The following MGAT4C variants were observed in gnomAD, a reference collection of about 807,000 sequenced individuals.
MGAT4C encodes the protein MGAT4 family member C, also known as alpha-1,3-mannosyl-glycoprotein 4-beta-N-acetylglucosaminyltransferase C.
Under a neutral mutation model 40.1 loss-of-function variants are expected in MGAT4C, and 19 were observed. The ratio of observed to expected loss-of-function variants is 0.47; its 90% CI spans 0.33 to 0.70. The LOEUF is 0.70. Among genes scored for constraint, MGAT4C ranks in the 30% least tolerant of loss-of-function variants. The pLI is 0.02. For synonymous variants in MGAT4C, 181 were observed against 187.1 expected (o/e 0.97, Z 0.27); for missense variants, 491 against 563.2 (o/e 0.87, Z 1.30).
intron 3 of MGAT4C, among the ~76,000 whole-genome samples, chr12:86,405,963 T>TACA (rs374129772): frequency 9.9e-6 from 1 of 100,986 alleles, no homozygotes; most frequent in Non-Finnish European, 1.9e-5. Context: ...TGTATTTATA[T>TACA]TATACATATA....
intron 1 of MGAT4C, among the ~76,000 whole-genome samples, chr12:86,807,358 T>C (rs560599267): frequency 2.6e-5 from 4 of 152,218 alleles, no homozygotes; most frequent in Admixed American, 6.5e-5. Flanking sequence ...CTCCCACTTA[T>C]AAGTGAGAAC....
intron 2 of MGAT4C, among the ~76,000 whole-genome samples, chr12:86,582,513 G>A (rs987076151): frequency 6.6e-6 from 1 of 151,274 alleles, no homozygotes; most frequent in Admixed American, 6.6e-5. Flanking sequence ...AATGCAAATG[G>A]GTAACAGTTG....
intron 1 of MGAT4C, among the ~76,000 whole-genome samples, chr12:86,101,771 C>A (rs954802487): frequency 1.3e-5 from 2 of 151,846 alleles, no homozygotes; most frequent in South Asian, 2.1e-4. Context: ...AATTAATGCA[C>A]CCCTGCTACT....
intron 2 of MGAT4C, among the ~76,000 whole-genome samples, chr12:86,660,153 C>A (rs1963946611): frequency 6.6e-6 from 1 of 152,112 alleles, no homozygotes; most frequent in Admixed American, 6.6e-5. Flanking sequence ...GGACAAGAGA[C>A]CTTGATGATC....
At chr12:86,328,771 T>C (rs567265685) in intron 4 of MGAT4C, among the ~76,000 whole-genome samples, 1 of 152,240 alleles carries the variant, frequency 6.6e-6, no homozygotes, top group African/African-American at 2.4e-5. Context: ...TTAATCAAAA[T>C]GTTACAAGAA....
chr12:86,785,799 TATAAC>T lies in MGAT4C; in HGVS notation c.-262+52862_-262+52866del, dbSNP rs200855270. On this transcript the variant is annotated intron_variant, in intron 1 of 7. Transcript: ENST00000548651. The stretch of plus-strand genomic sequence containing the variant: ...ATATGTATAATATAATGTAATATAA[TATAAC>T]ATAATAATCTTTGGAAAAAAGCTCA... Among the ~76,000 whole-genome samples the T allele has an allele frequency of 9.4e-3, 1,427 of 151,520 alleles. 11 individuals carry two copies. Among genetic ancestry groups the T allele is most frequent in the Middle Eastern group, 0.017 (5 of 290 alleles).
chr12:86,642,145 G>A (rs1006714266), intron 2 of MGAT4C, among the ~76,000 whole-genome samples: 3 of 151,740 alleles, frequency 2.0e-5, no homozygotes, highest in African/African-American at 7.3e-5. Context: ...AGATAAGAAG[G>A]AATTAATGCT....
At chr12:86,336,053 C>T (rs998334451) in intron 3 of MGAT4C, among the ~76,000 whole-genome samples, 2 of 152,130 alleles carry the variant, frequency 1.3e-5, no homozygotes, top group Non-Finnish European at 2.9e-5. Flanking sequence ...CAACCACTTT[C>T]CAATGCCTGT....
At chr12:86,688,980 A>G (rs762502595) in intron 2 of MGAT4C, among the ~76,000 whole-genome samples, 4 of 152,180 alleles carry the variant, frequency 2.6e-5, no homozygotes, top group Non-Finnish European at 4.4e-5. Context: ...TTTCAGGTAC[A>G]CCAATCAAAC....
intron 2 of MGAT4C, among the ~76,000 whole-genome samples, chr12:86,008,169 G>A (rs1186437776): frequency 6.6e-6 from 1 of 151,896 alleles, no homozygotes; most frequent in Non-Finnish European, 1.5e-5. Flanking sequence ...AAAATTTGTT[G>A]AGTCTGTAAA....
rs111370466 is a variant in MGAT4C, at chr12:85,967,688, T to G, written c.*11601A>C. On this transcript the variant is annotated 3_prime_UTR_variant, in exon 5 of 5. Coordinates refer to ENST00000611864, the MANE Select transcript of MGAT4C (RefSeq NM_001351288.2). ...ATGTATTCATTGATCTCATAAAGAA[T>G]AGATGATCAGATTTTTTAAAAGTGA... is the stretch of plus-strand genomic sequence containing the variant. The G allele has an allele frequency of 3.0e-4, 46 of 152,190 alleles. No individual in the cohort carries two copies. The highest frequency in any genetic ancestry group is 1.1e-3 in the African/African-American group (44 of 41,566). 9.4% of individuals were successfully genotyped at this position (152,190 alleles called of 1,614,324 possible). A position where few individuals can be genotyped will look rare whatever the true frequency, so the allele number is the denominator to read the frequency against.
intron 1 of MGAT4C, among the ~76,000 whole-genome samples, chr12:86,105,698 A>C (rs1876031618): frequency 6.6e-6 from 1 of 152,184 alleles, no homozygotes; most frequent in African/African-American, 2.4e-5. Context: ...CATGTTAATT[A>C]CTATTCCTTT....
At chr12:86,442,928 C>T (rs1042480965) in intron 2 of MGAT4C, among the ~76,000 whole-genome samples, 3 of 152,172 alleles carry the variant, frequency 2.0e-5, no homozygotes, top group Non-Finnish European at 4.4e-5. Context: ...GAGAGAATTA[C>T]AACTTGTTAG....
intron 1 of MGAT4C, among the ~76,000 whole-genome samples, chr12:86,746,055 T>G (rs1313386707): frequency 6.6e-6 from 1 of 151,694 alleles, no homozygotes; most frequent in East Asian, 1.9e-4. Context: ...TCATTCACTC[T>G]GCTCACAGAA....
At position 85,962,722 on chromosome 12, in the gene MGAT4C, A is replaced by G. The variant is rs1883177988; in HGVS notation, c.*16567T>C. 2 of 151,262 alleles carry G rather than the reference A, an allele frequency of 1.3e-5. No individual in the cohort carries two copies. Among genetic ancestry groups the G allele is most frequent in the South Asian group, 4.2e-4 (2 of 4,812 alleles). The allele number at this position is 151,262 out of a possible 1,614,324, so 9.4% of individuals were successfully genotyped here. ...TATCAACTACATTTTACATAGGATG[A>G]AAAAAATCATTATTTTTATTAATCC... On this transcript the variant is annotated 3_prime_UTR_variant, in exon 5 of 5. Coordinates refer to ENST00000611864, the MANE Select transcript of MGAT4C (RefSeq NM_001351288.2).
At chr12:86,251,212 C>T (rs531846013) in intron 1 of MGAT4C, among the ~76,000 whole-genome samples, 54 of 150,830 alleles carry the variant, frequency 3.6e-4, no homozygotes, top group African/African-American at 1.3e-3. Flanking sequence ...AGTCTGGTCC[C>T]AGACTTTTAA....
At chr12:86,040,022 C>T (rs1234962438) in intron 2 of MGAT4C, among the ~76,000 whole-genome samples, 11 of 152,202 alleles carry the variant, frequency 7.2e-5, no homozygotes, top group Non-Finnish European at 1.6e-4. Flanking sequence ...AAGTCCACTG[C>T]AGACCCTGTT....
At chr12:86,233,332 G>T (rs766537854) in intron 1 of MGAT4C, among the ~76,000 whole-genome samples, 1 of 152,154 alleles carries the variant, frequency 6.6e-6, no homozygotes, top group Non-Finnish European at 1.5e-5. Context: ...AAGCCAAGGG[G>T]CCAGTACTTA....
At chr12:86,466,158 G>A (rs1411433815) in intron 2 of MGAT4C, among the ~76,000 whole-genome samples, 12 of 151,782 alleles carry the variant, frequency 7.9e-5, no homozygotes, top group Admixed American at 7.9e-4. Context: ...GCAGTGAGCA[G>A]AGATAGCGCC....
Sources: gnomAD v4.1 joint callset for allele counts (sites outside exome capture counted in the v4.1 genomes callset) on GRCh38, gnomAD v4.1.1 for gene constraint, MANE v1.5 for transcripts, NCBI Gene and HGNC (gene_info 2026-07-23, HGNC 2026-07-21) for gene names.